Variants in RBFOX1 observed in about 807,000 individuals in gnomAD.
RBFOX1 encodes RNA binding fox-1 homolog 1.
A neutral mutation model predicts 57.7 loss-of-function variants in RBFOX1; 8 were observed. The ratio of observed to expected loss-of-function variants is 0.14; its 90% CI spans 0.08 to 0.25. The LOEUF (loss-of-function observed/expected upper bound fraction) is 0.25, where lower values mean the gene tolerates loss of function less well. RBFOX1 is among the 10% of genes least tolerant of loss of function. RBFOX1 has a pLI of 1.00. For synonymous variants in RBFOX1, 326 were observed against 222.4 expected (o/e 1.47, Z -4.15); for missense variants, 611 against 548.5 (o/e 1.11, Z -1.14).
chr16:7,354,994 T>C (rs1207416800), intron 4 of RBFOX1, among the ~76,000 whole-genome samples: 1 of 152,224 alleles, frequency 6.6e-6, no homozygotes, highest in East Asian at 1.9e-4. Flanking sequence ...ATTATAATAA[T>C]AAAAATTAAT....
chr16:7,012,848 G>C (rs975378554), intron 3 of RBFOX1, among the ~76,000 whole-genome samples: 1 of 152,134 alleles, frequency 6.6e-6, no homozygotes. Flanking sequence ...AGACTGGGTG[G>C]CTTGAACAAG....
At chr16:6,613,854 C>T (rs1018249176) in intron 2 of RBFOX1, among the ~76,000 whole-genome samples, 1 of 152,142 alleles carries the variant, frequency 6.6e-6, no homozygotes, top group African/African-American at 2.4e-5. Flanking sequence ...AGGAGAATCA[C>T]TTGAATCTGG....
intron 3 of RBFOX1, among the ~76,000 whole-genome samples, chr16:7,017,260 C>T (rs2093962730): frequency 6.6e-6 from 1 of 152,188 alleles, no homozygotes; most frequent in African/African-American, 2.4e-5. Context: ...CGGCTGTGCT[C>T]TGCCAAGGCC....
chr16:5,728,940 G>A (rs1051479696), intron 3 of RBFOX1, among the ~76,000 whole-genome samples: 9 of 152,192 alleles, frequency 5.9e-5, no homozygotes, highest in African/African-American at 2.2e-4. Context: ...TCAACTGATA[G>A]TGACAAACAG....
intron 1 of RBFOX1, among the ~76,000 whole-genome samples, chr16:6,294,344 G>A (rs1423316670): frequency 1.3e-5 from 2 of 152,220 alleles, no homozygotes; most frequent in African/African-American, 2.4e-5. Context: ...TATGGTCCCA[G>A]TATGGTTAGA....
chr16:7,031,439 T>C (rs1188047719), intron 3 of RBFOX1, among the ~76,000 whole-genome samples: 3 of 151,608 alleles, frequency 2.0e-5, no homozygotes, highest in Non-Finnish European at 2.9e-5. Context: ...CTACTAAAAA[T>C]ACAAAAATTA....
intron 14 of RBFOX1, among the ~76,000 whole-genome samples, chr16:7,705,325 T>C (rs534983021): frequency 4.5e-4 from 69 of 152,074 alleles, no homozygotes; most frequent in African/African-American, 1.4e-3. Context: ...GCTAACACAG[T>C]GAAGCCCCAT....
chr16:6,206,102 T>C (rs2097253613), intron 1 of RBFOX1, among the ~76,000 whole-genome samples: 1 of 152,100 alleles, frequency 6.6e-6, no homozygotes, highest in Non-Finnish European at 1.5e-5. Flanking sequence ...AGTTGATGTT[T>C]CTGTCTTTTA....
chr16:6,787,803 A>T (rs909844023), intron 3 of RBFOX1, among the ~76,000 whole-genome samples: 1 of 152,162 alleles, frequency 6.6e-6, no homozygotes, highest in Non-Finnish European at 1.5e-5. Flanking sequence ...CCATAATACA[A>T]CTTAATCCAC....
intron 4 of RBFOX1, among the ~76,000 whole-genome samples, chr16:7,338,202 C>G (rs558962300): frequency 1.8e-4 from 27 of 151,880 alleles, no homozygotes; most frequent in Middle Eastern, 3.4e-3. Flanking sequence ...AATGCTCTCC[C>G]CACCCCCACC....
intron 3 of RBFOX1, among the ~76,000 whole-genome samples, chr16:6,831,996 G>T (rs1324906993): frequency 6.6e-6 from 1 of 152,186 alleles, no homozygotes; most frequent in Non-Finnish European, 1.5e-5. Context: ...ATACCGAATG[G>T]TATCACTAAT....
intron 2 of RBFOX1, among the ~76,000 whole-genome samples, chr16:6,494,890 A>AT (rs1368760633): frequency 6.6e-6 from 1 of 152,210 alleles, no homozygotes; most frequent in Non-Finnish European, 1.5e-5. Flanking sequence ...AGCATCCACC[A>AT]TATGCCAGGC....
chr16:5,354,980 A>G (rs1360872293), intron 1 of RBFOX1, among the ~76,000 whole-genome samples: 1 of 147,754 alleles, frequency 6.8e-6, no homozygotes, highest in African/African-American at 2.5e-5. Context: ...CAGAGGTTGG[A>G]AGGGGTGAAG....
intron 4 of RBFOX1, among the ~76,000 whole-genome samples, chr16:5,921,062 C>G (rs2058810800): frequency 6.6e-6 from 1 of 152,182 alleles, no homozygotes; most frequent in East Asian, 1.9e-4. Flanking sequence ...TGGTGGGAAT[C>G]TAACTTAGCC....
intron 1 of RBFOX1, among the ~76,000 whole-genome samples, chr16:6,165,690 A>C (rs535661740): frequency 6.6e-6 from 1 of 152,224 alleles, no homozygotes; most frequent in African/African-American, 2.4e-5. Context: ...GTCTAAACGC[A>C]CAACATGCAT....
intron 3 of RBFOX1, among the ~76,000 whole-genome samples, chr16:6,903,588 A>G (rs957294323): frequency 5.9e-5 from 9 of 152,258 alleles, no homozygotes; most frequent in Non-Finnish European, 1.3e-4. Flanking sequence ...CTTATCCCAG[A>G]AACTGGTGGG....
intron 4 of RBFOX1, among the ~76,000 whole-genome samples, chr16:7,078,636 C>T (rs2058669212): frequency 6.6e-6 from 1 of 151,628 alleles, no homozygotes; most frequent in Non-Finnish European, 1.5e-5. Flanking sequence ...GCATGAGCCA[C>T]CACACCCAGC....
chr16:5,989,497 A>C (rs944367699), intron 4 of RBFOX1, among the ~76,000 whole-genome samples: 2 of 152,098 alleles, frequency 1.3e-5, no homozygotes, highest in Non-Finnish European at 2.9e-5. Flanking sequence ...GTTGTGTTCA[A>C]AGTTAGTTGC....
chr16:7,484,673 A>G (rs1210185186), intron 4 of RBFOX1, among the ~76,000 whole-genome samples: 1 of 152,176 alleles, frequency 6.6e-6, no homozygotes, highest in Non-Finnish European at 1.5e-5. Context: ...CATGTTGGTC[A>G]GGCTGGTCTT....
Sources: allele counts gnomAD v4.1 joint callset (sites outside exome capture counted in the v4.1 genomes callset), GRCh38; gene constraint gnomAD v4.1.1; transcripts MANE v1.5; gene names NCBI Gene and HGNC (gene_info 2026-07-23, HGNC 2026-07-21).